GNB1: variants seen among roughly 807,000 people sequenced by gnomAD.
The protein encoded by GNB1 is guanine nucleotide-binding protein G(I)/G(S)/G(T) subunit beta-1.
A neutral mutation model predicts 42.9 loss-of-function variants in GNB1; 2 were observed. That is an observed-to-expected ratio of 0.05 (90% CI 0.02 to 0.15). The LOEUF (loss-of-function observed/expected upper bound fraction) is 0.15. Ranked by LOEUF, GNB1 falls within the 10% of genes least tolerant of loss-of-function variation. The probability of loss-of-function intolerance (pLI) is 1.00; values close to 1 mark genes in which losing one functional copy is unlikely to be tolerated. For missense variants in GNB1, 193 were observed against 462.2 expected (o/e 0.42, Z 5.34); for synonymous variants, 183 against 174.7 (o/e 1.05, Z -0.38).
chr1:1,843,731 CT>C (rs1181787571), intron 1 of GNB1, among the ~76,000 whole-genome samples: 2 of 152,144 alleles, frequency 1.3e-5, no homozygotes, highest in Non-Finnish European at 2.9e-5. Flanking sequence ...AAGGACAGGA[CT>C]ACCAGTCCCA....
At chr1:1,878,428 C>A (rs1649665513) in intron 1 of GNB1, among the ~76,000 whole-genome samples, 1 of 152,178 alleles carries the variant, frequency 6.6e-6, no homozygotes, top group African/African-American at 2.4e-5. Flanking sequence ...CAAGTCCAAG[C>A]ACAGCCCTGA....
chr1:1,801,053 G>A (rs1196480797), intron 7 of GNB1, among the ~76,000 whole-genome samples: 2 of 152,208 alleles, frequency 1.3e-5, no homozygotes, highest in African/African-American at 4.8e-5. Flanking sequence ...TCTTTGAGAC[G>A]GAGTCTCACT....
intron 1 of GNB1, among the ~76,000 whole-genome samples, chr1:1,850,080 T>C (rs967649043): frequency 1.3e-5 from 2 of 152,026 alleles, no homozygotes; most frequent in Non-Finnish European, 2.9e-5. Context: ...GTGATTGTCC[T>C]GCCTCAGCCT....
chr1:1,849,306 G>A (rs911521902), intron 1 of GNB1, among the ~76,000 whole-genome samples: 1 of 152,168 alleles, frequency 6.6e-6, no homozygotes, highest in African/African-American at 2.4e-5. Flanking sequence ...ACTAGATATA[G>A]CACCAGAAGA....
At chr1:1,877,650 C>T (rs1316017301) in intron 1 of GNB1, among the ~76,000 whole-genome samples, 1 of 151,992 alleles carries the variant, frequency 6.6e-6, no homozygotes, top group East Asian at 1.9e-4. Flanking sequence ...TAATTTACTA[C>T]AATGAACATT....
intron 1 of GNB1, among the ~76,000 whole-genome samples, chr1:1,848,823 T>G (rs1207449073): frequency 6.6e-6 from 1 of 152,226 alleles, no homozygotes; most frequent in Non-Finnish European, 1.5e-5. Flanking sequence ...TCCCTTTCAC[T>G]CTTTGTAACA....
At position 1,793,262 on chromosome 1, in the gene GNB1, G is replaced by A. The variant is rs2100546250; in HGVS notation, c.480C>T (p.Ser160=). 6.2e-7 allele frequency: 1 copy of A among 1,612,766 alleles called. No homozygotes were observed. Among genetic ancestry groups the A allele is most frequent in the Non-Finnish European group, 8.5e-7 (1 of 1,178,986 alleles). ...GTACTTACCACGTGGTGTCTCCAGA[G>A]CTGGTGACGATCTGATTGTCATCCA... ...RFLDDNQIVT[S]SGDTTCALWD... is the part of the protein sequence containing the mutation. Residue 160 remains serine, a synonymous_variant, in exon 8 of 12, where the codon AGC becomes AGT. Transcript: ENST00000378609.
chr1:1,873,715 G>C (rs1270608660), intron 1 of GNB1, among the ~76,000 whole-genome samples: 1 of 152,192 alleles, frequency 6.6e-6, no homozygotes, highest in African/African-American at 2.4e-5. Flanking sequence ...CTACTCAGGA[G>C]GCTGAGGCAG....
At chr1:1,885,551 CTTTTTTT>C (rs60651257) in intron 1 of GNB1, among the ~76,000 whole-genome samples, 1 of 94,058 alleles carries the variant, frequency 1.1e-5, no homozygotes, top group Non-Finnish European at 2.2e-5. Context: ...TCCACTTAAT[CTTTTTTT>C]TTTTTTTTTT....
chr1:1,851,209 G>C (rs1344449955), intron 1 of GNB1, among the ~76,000 whole-genome samples: 1 of 152,118 alleles, frequency 6.6e-6, no homozygotes. Context: ...TCGGGAGTTT[G>C]AGACCAGCCT....
In GNB1 at chr1:1,874,979, T is replaced by C. The variant is rs192119754; in HGVS notation, c.-96+15841A>G. ...CCTCAGATCATCAGGCATTAGATTC[T>C]CATAAGGAGTGCACAGCCTACATCC... On this transcript the variant is annotated intron_variant, in intron 1 of 11. Transcript: ENST00000378609. 2.8e-3 allele frequency among the ~76,000 whole-genome samples: 430 copies of C among 152,220 alleles called. 1 individual carries two copies. The highest frequency in any genetic ancestry group is 9.9e-3 in the African/African-American group (413 of 41,550).
intron 2 of GNB1, among the ~76,000 whole-genome samples, chr1:1,834,626 A>G (rs186300361): frequency 5.1e-4 from 77 of 151,608 alleles, no homozygotes; most frequent in African/African-American, 1.8e-3. Context: ...GAAACTAACA[A>G]TCATGCAGCG....
intron 8 of GNB1, among the ~76,000 whole-genome samples, chr1:1,792,557 T>G (rs937881434): frequency 1.5e-4 from 22 of 150,878 alleles, no homozygotes; most frequent in Admixed American, 1.2e-3. Context: ...ATTAGCTGGG[T>G]GTGGTGGCGC....
rs921432044 is a variant in GNB1 at position 1,786,250 on chromosome 1, G to A, written c.*813C>T. Reference sequence around the variant, plus strand: ...TATAAACTTCCCTCCAACTTCACAAGGAAACCCAAAGTGAGATTAAAAACT... The same window carrying A: ...TATAAACTTCCCTCCAACTTCACAAAGAAACCCAAAGTGAGATTAAAAACT... On this transcript the variant is annotated 3_prime_UTR_variant, in exon 12 of 12. Transcript: ENST00000378609. 1 of 393,400 alleles carries A rather than the reference G, an allele frequency of 2.5e-6. No homozygotes were observed. Among genetic ancestry groups the A allele is most frequent in the South Asian group, 1.4e-4 (1 of 6,976 alleles). 24.4% of individuals were successfully genotyped at this position (393,400 alleles called of 1,614,324 possible). A position where few individuals can be genotyped will look rare whatever the true frequency, so the allele number is the denominator to read the frequency against.
intron 1 of GNB1, among the ~76,000 whole-genome samples, chr1:1,874,663 C>T (rs989934065): frequency 8.1e-5 from 12 of 147,922 alleles, no homozygotes; most frequent in Admixed American, 2.0e-4. Context: ...TGCTGGCACA[C>T]GCCTGTAGTC....
intron 7 of GNB1, 33 bp downstream of exon 7, chr1:1,804,386 T>C: frequency 2.6e-6 from 4 of 1,538,146 alleles, no homozygotes; most frequent in Non-Finnish European, 3.6e-6. Context: ...AAACAGCTTG[T>C]GTCACTTGAA....
intron 1 of GNB1, among the ~76,000 whole-genome samples, chr1:1,855,405 A>G (rs1399094782): frequency 6.6e-6 from 1 of 151,806 alleles, no homozygotes; most frequent in Admixed American, 6.6e-5. Context: ...AAAAGCAAGC[A>G]AAACAATAAC....
chr1:1,849,837 T>A (rs1647884413), intron 1 of GNB1, among the ~76,000 whole-genome samples: 2 of 152,218 alleles, frequency 1.3e-5, no homozygotes, highest in African/African-American at 4.8e-5. Flanking sequence ...TTCACAGACC[T>A]CTGGTTTGTT....
intron 1 of GNB1, among the ~76,000 whole-genome samples, chr1:1,887,780 A>G (rs1300770231): frequency 1.3e-5 from 2 of 152,032 alleles, no homozygotes; most frequent in African/African-American, 4.8e-5. Flanking sequence ...CACGCCGGCT[A>G]ATTTTAATAT....
Sources: allele counts gnomAD v4.1 joint callset (sites outside exome capture counted in the v4.1 genomes callset), GRCh38; gene constraint gnomAD v4.1.1; transcripts MANE v1.5; gene names NCBI Gene and HGNC (gene_info 2026-07-23, HGNC 2026-07-21).